RAVER1: variants seen among roughly 807,000 people sequenced by gnomAD.
The protein encoded by RAVER1 is ribonucleoprotein, PTB binding 1, also known as ribonucleoprotein PTB-binding 1.
Under a neutral mutation model 68.4 loss-of-function variants are expected in RAVER1, and 36 were observed. That is an observed-to-expected ratio of 0.53 (90% CI 0.40 to 0.70). RAVER1 has a LOEUF of 0.70. RAVER1 is among the 30% of genes least tolerant of loss of function. The pLI, the probability that RAVER1 is intolerant of heterozygous loss-of-function variation, is 0.00. For missense variants in RAVER1, 933 were observed against 1,019.8 expected, an observed-to-expected ratio of 0.91 and a Z score of 1.16; for synonymous variants, 469 against 472.7, an observed-to-expected ratio of 0.99 and a Z score of 0.10.
At position 10,317,330 on chromosome 19, in the gene RAVER1, GTCTT is replaced by G. The variant is rs2040397260; in HGVS notation, c.*120_*123del. 2 of 1,104,778 alleles carry G rather than the reference GTCTT, an allele frequency of 1.8e-6. No homozygotes were observed. Among genetic ancestry groups the G allele is most frequent in the Non-Finnish European group, 2.7e-6 (2 of 744,864 alleles). The allele number at this position is 1,104,778 out of a possible 1,614,324, so 68.4% of individuals were successfully genotyped here. On this transcript the variant is annotated 3_prime_UTR_variant, in exon 13 of 13. Transcript: ENST00000617231. This position sits in a 1 kb window ranked among gnomAD's most constrained non-coding sequence, Gnocchi z 4.3. ...GGGCTCCGGCTGATTGGTCAGTAAAGTCTTTCAGAGATTTTTCTATTACCGAAAG... is the reference window on the plus strand; with the variant it reads ...GGGCTCCGGCTGATTGGTCAGTAAAGTCAGAGATTTTTCTATTACCGAAAG...
chr19:10,317,606 G>A lies in RAVER1; in HGVS notation c.2074-6C>T. On this transcript the variant is annotated splice_region_variant and splice_polypyrimidine_tract_variant and intron_variant, in intron 12 of 12. Coordinates refer to ENST00000617231, the MANE Select transcript of RAVER1 (RefSeq NM_133452.3). The surrounding 1 kb of genome is among the most constrained non-coding windows in gnomAD (Gnocchi z 4.3). ...TTCTGGCCGCCCAGTGGGGTCTGGA[G>A]ACAGAGGGCAGGGCGGGGCGGGTCA... 1 of 1,569,032 alleles carries A rather than the reference G, an allele frequency of 6.4e-7. No individual in the cohort carries two copies. Among genetic ancestry groups the A allele is most frequent in the Non-Finnish European group, 8.7e-7 (1 of 1,145,146 alleles).
rs745327281 is a variant in RAVER1 at position 10,323,608 on chromosome 19, G to A, written c.757-42C>T. The stretch of plus-strand genomic sequence containing the variant: ...GGCAGTCATGAGCATCTGGGCAGCA[G>A]TGACTGCACCACCCCGGGAAGTGAC... On this transcript the variant is annotated intron_variant, in intron 3 of 12. Coordinates refer to ENST00000617231, the MANE Select transcript of RAVER1 (RefSeq NM_133452.3). The surrounding 1 kb of genome is among the most constrained non-coding windows in gnomAD (Gnocchi z 6.2). The A allele has an allele frequency of 4.8e-5, 74 of 1,541,652 alleles. No individual in the cohort carries two copies. Among genetic ancestry groups the A allele is most frequent in the Non-Finnish European group, 5.8e-5 (66 of 1,146,736 alleles).
Position 10,328,580 on chromosome 19 carries a change from A to G in RAVER1, c.756+62T>C. 2 of 1,160,668 alleles carry G rather than the reference A, an allele frequency of 1.7e-6. No individual in the cohort carries two copies. Among genetic ancestry groups the G allele is most frequent in the South Asian group, 1.5e-5 (1 of 65,504 alleles). The allele number at this position is 1,160,668 out of a possible 1,614,324, so 71.9% of individuals were successfully genotyped here. On this transcript the variant is annotated intron_variant, in intron 3 of 12. Transcript: ENST00000617231. This position sits in a 1 kb window ranked among gnomAD's most constrained non-coding sequence, Gnocchi z 4.4. The stretch of plus-strand genomic sequence containing the variant: ...AAAAAAAGAAAAGGCAGATGACTCC[A>G]AAGACTCTCTCAGGTGCTCCGGGCC...
chr19:10,332,941 A>G (rs1277733269), intron 1 of RAVER1, among the ~76,000 whole-genome samples: 1 of 152,148 alleles, frequency 6.6e-6, no homozygotes, highest in Non-Finnish European at 1.5e-5. Context: ...GAAAAGCATC[A>G]TCCAAGCAGG....
chr19:10,327,731 C>G (rs921846847), intron 3 of RAVER1, among the ~76,000 whole-genome samples: 2 of 152,190 alleles, frequency 1.3e-5, no homozygotes, highest in Non-Finnish European at 2.9e-5. Flanking sequence ...ACCTGCCTCT[C>G]AGGGTTGCTA....
rs1302143081 is a variant in RAVER1 at position 10,329,142 on chromosome 19, G to A, written c.287-31C>T. 7 of 1,368,154 alleles carry A rather than the reference G, an allele frequency of 5.1e-6. No individual in the cohort carries two copies. The South Asian group carries it at 6.1e-5, about 12-fold the overall frequency. The allele number at this position is 1,368,154 out of a possible 1,614,324, so 84.8% of individuals were successfully genotyped here. A position where few individuals can be genotyped will look rare whatever the true frequency, so the allele number is the denominator to read the frequency against. On this transcript the variant is annotated intron_variant, in intron 2 of 12. Coordinates refer to ENST00000617231, the MANE Select transcript of RAVER1 (RefSeq NM_133452.3). This position sits in a 1 kb window ranked among gnomAD's most constrained non-coding sequence, Gnocchi z 4.6. ...GTGGGAGGAGGGCAGTGCGAGGTCAGCCGGGCCCTGAGGGCCTGCCCCTCC... is the reference window on the plus strand; with the variant it reads ...GTGGGAGGAGGGCAGTGCGAGGTCAACCGGGCCCTGAGGGCCTGCCCCTCC...
rs1438720567 is a variant in RAVER1, at chr19:10,328,748, A to G, written c.650T>C (p.Leu217Pro). 6.2e-7 allele frequency: 1 copy of G among 1,612,754 alleles called. No homozygotes were observed. The highest frequency in any genetic ancestry group is 8.5e-7 in the Non-Finnish European group (1 of 1,179,772). The stretch of plus-strand genomic sequence containing the variant: ...CACACAGAGGCAGCGGGAGTGGAGA[A>G]GGGCAGGCGTCAGTTGCCCGGCATC... ...WTDAGQLTPA[L>P]LHSRCLCVDR... Residue 217 changes from leucine (L) to proline (P), a missense_variant, in exon 3 of 13, where the codon CTT (leucine) becomes CCT (proline). Physicochemically the swap from Leu to Pro is moderately conservative, Grantham distance 98 (BLOSUM62 -3). Transcript: ENST00000617231. This position sits in a 1 kb window ranked among gnomAD's most constrained non-coding sequence, Gnocchi z 4.4.
intron 11 of RAVER1, 48 bp downstream of exon 11, chr19:10,318,181 A>C: frequency 1.3e-6 from 2 of 1,528,132 alleles, no homozygotes; most frequent in Non-Finnish European, 1.8e-6. Flanking sequence ...GCACCCCCAA[A>C]TCCTAGCTGT....
rs1430812756 is a variant in RAVER1, at chr19:10,317,666, C to A, written c.2073+24G>T. 6.5e-7 allele frequency: 1 copy of A among 1,548,510 alleles called. No homozygotes were observed. Among genetic ancestry groups the A allele is most frequent in the African/African-American group, 1.4e-5 (1 of 73,618 alleles). On this transcript the variant is annotated intron_variant, in intron 12 of 12. Transcript: ENST00000617231. The surrounding 1 kb of genome is among the most constrained non-coding windows in gnomAD (Gnocchi z 4.3). ...GGGGGGCCGGGGCTTCCCAGCCCTG[C>A]ATGTCCCCACCCCCTGCCCGTACCT...
chr19:10,320,273 G>A (rs2040425822), intron 9 of RAVER1, among the ~76,000 whole-genome samples: 1 of 151,984 alleles, frequency 6.6e-6, no homozygotes, highest in South Asian at 2.1e-4. Flanking sequence ...GGAGGCTGAG[G>A]CGGGTGGCTC....
intron 1 of RAVER1, among the ~76,000 whole-genome samples, chr19:10,331,369 A>AAT (rs2040515636): frequency 1.6e-5 from 2 of 125,718 alleles, no homozygotes; most frequent in African/African-American, 3.0e-5. Context: ...AAAAAAAAAA[A>AAT]AAAAAAAAAA....
chr19:10,331,684 CA>C (rs61614587), intron 1 of RAVER1, among the ~76,000 whole-genome samples: 4 of 73,284 alleles, frequency 5.5e-5, no homozygotes, highest in African/African-American at 1.2e-4. Flanking sequence ...GACTCCGTCT[CA>C]AAAAAAAAAA....
intron 6 of RAVER1, 163 bp from the exon 7 acceptor site, chr19:10,321,781 C>A: frequency 2.3e-6 from 1 of 443,968 alleles, no homozygotes. Flanking sequence ...CCAACTCTAT[C>A]ACTGTCCCAT....
At chr19:10,324,286 C>G (rs564113423) in intron 3 of RAVER1, among the ~76,000 whole-genome samples, 7 of 152,190 alleles carry the variant, frequency 4.6e-5, no homozygotes, top group Admixed American at 3.9e-4. Context: ...GCTGAATGCC[C>G]GGGCAGCAAA....
At position 10,319,252 on chromosome 19, in the gene RAVER1, C is replaced by G. The variant is rs542453795; in HGVS notation, c.1771-12G>C. 4 of 1,612,798 alleles carry G rather than the reference C, an allele frequency of 2.5e-6. No homozygotes were observed. The highest frequency in any genetic ancestry group is 3.4e-6 in the Non-Finnish European group (4 of 1,179,190). Reference sequence around the variant, plus strand: ...CGAGGTCCCATGTCCTGAATGAAAGCGGGAGAAGCACATTGGGTTGGAGTC... The same window carrying G: ...CGAGGTCCCATGTCCTGAATGAAAGGGGGAGAAGCACATTGGGTTGGAGTC... On this transcript the variant is annotated splice_polypyrimidine_tract_variant and intron_variant, in intron 9 of 12. Transcript: ENST00000617231.
intron 1 of RAVER1, 74 bp from the exon 2 acceptor site, chr19:10,330,600 GCCAC>G: frequency 7.0e-6 from 5 of 709,852 alleles, no homozygotes; most frequent in Non-Finnish European, 1.3e-5. Context: ...CTTCATAGCT[GCCAC>G]CAGCTATGAA....
At position 10,322,074 on chromosome 19, in the gene RAVER1, CTTTG is replaced by C. The variant is rs2040441676; in HGVS notation, c.1174-460_1174-457del. 6.2e-6 allele frequency: 1 copy of C among 160,038 alleles called. No individual in the cohort carries two copies. The highest frequency in any genetic ancestry group is 1.4e-5 in the Non-Finnish European group (1 of 73,890). The allele number at this position is 160,038 out of a possible 1,614,324, so 9.9% of individuals were successfully genotyped here. ...TGTGTGTGTGCGTGTATATCTGTGTCTTTGTTTCTGTGTGCATGAGTCTGTCTTG... is the reference window on the plus strand; with the variant it reads ...TGTGTGTGTGCGTGTATATCTGTGTCTTTCTGTGTGCATGAGTCTGTCTTG... On this transcript the variant is annotated intron_variant, in intron 6 of 12. Transcript: ENST00000617231. The surrounding 1 kb of genome is among the most constrained non-coding windows in gnomAD (Gnocchi z 4.3).
chr19:10,317,639 C>T lies in RAVER1; in HGVS notation c.2074-39G>A, dbSNP rs988468590. The T allele has an allele frequency of 6.4e-7, 1 of 1,551,290 alleles. No homozygotes were observed. Among genetic ancestry groups the T allele is most frequent in the Non-Finnish European group, 8.7e-7 (1 of 1,143,490 alleles). ...GCAGGGCGGGGCGGGTCAGGGGCCG[C>T]TGGGGGGCCGGGGCTTCCCAGCCCT... On this transcript the variant is annotated intron_variant, in intron 12 of 12. Transcript: ENST00000617231. This position sits in a 1 kb window ranked among gnomAD's most constrained non-coding sequence, Gnocchi z 4.3.
chr19:10,323,039 TG>T lies in RAVER1; in HGVS notation c.1078+105del. On this transcript the variant is annotated intron_variant, in intron 5 of 12. Transcript: ENST00000617231. This position sits in a 1 kb window ranked among gnomAD's most constrained non-coding sequence, Gnocchi z 6.2. ...CCATACTCCCCCTCGGCCCTACTCCTGGGGCTCCTGTCACTGCAGCCAAGAT... is the reference window on the plus strand; with the variant it reads ...CCATACTCCCCCTCGGCCCTACTCCTGGGCTCCTGTCACTGCAGCCAAGAT... 1.0e-6 allele frequency: 1 copy of T among 985,580 alleles called. No homozygotes were observed. The allele number at this position is 985,580 out of a possible 1,614,324, so 61.1% of individuals were successfully genotyped here.
Sources: gnomAD v4.1 joint callset for allele counts (sites outside exome capture counted in the v4.1 genomes callset) on GRCh38, gnomAD v4.1.1 for gene constraint, Gnocchi (gnomAD v3.1) non-coding constraint, MANE v1.5 for transcripts, NCBI Gene and HGNC (gene_info 2026-07-23, HGNC 2026-07-21) for gene names.